The following UMAD1 variants were observed in gnomAD, a reference collection of about 807,000 sequenced individuals.
The protein encoded by UMAD1 is UBAP1-MVB12-associated (UMA)-domain containing protein 1.
In UMAD1, 8 loss-of-function variants were observed where a neutral mutation model predicts 6.1. The observed-to-expected ratio is 1.30, with a 90% confidence interval of 0.76 to 2.35. The LOEUF is 2.35. UMAD1 is among the 30% of genes most tolerant of loss of function. UMAD1 has a pLI of 0.00. For synonymous variants in UMAD1, 56 were observed against 31.4 expected (o/e 1.78, Z -2.61); for missense variants, 130 against 78.4 (o/e 1.66, Z -2.49).
At chr7:7,860,605 A>AAAAAAAAC (rs1784097254) in intron 3 of UMAD1, among the ~76,000 whole-genome samples, 1 of 26,192 alleles carries the variant, frequency 3.8e-5, no homozygotes, top group Non-Finnish European at 7.9e-5. Flanking sequence ...CTAAAAATAC[A>AAAAAAAAC]AAAAAAAAAA....
intron 2 of UMAD1, among the ~76,000 whole-genome samples, chr7:7,710,073 TCTCA>T (rs1396984374): frequency 1.3e-5 from 2 of 152,208 alleles, no homozygotes; most frequent in Non-Finnish European, 2.9e-5. Context: ...AATTTGCCTC[TCTCA>T]CTCAGTATCA....
chr7:7,758,852 C>G (rs2115228535), intron 2 of UMAD1, among the ~76,000 whole-genome samples: 1 of 152,280 alleles, frequency 6.6e-6, no homozygotes, highest in East Asian at 1.9e-4. Flanking sequence ...GACACTCTCT[C>G]TCTCCCCACC....
At chr7:7,826,665 T>G (rs941335871) in intron 3 of UMAD1, among the ~76,000 whole-genome samples, 14 of 152,104 alleles carry the variant, frequency 9.2e-5, no homozygotes, top group African/African-American at 3.4e-4. Context: ...TCTTCAACCA[T>G]AGCAGGAGGG....
chr7:7,773,906 A>G (rs1245231950), intron 2 of UMAD1, among the ~76,000 whole-genome samples: 3 of 152,126 alleles, frequency 2.0e-5, no homozygotes, highest in Non-Finnish European at 4.4e-5. Flanking sequence ...GGACGAGTCT[A>G]TATTAGATTG....
At chr7:7,769,262 G>A (rs1782054751) in intron 2 of UMAD1, among the ~76,000 whole-genome samples, 1 of 152,106 alleles carries the variant, frequency 6.6e-6, no homozygotes, top group African/African-American at 2.4e-5. Flanking sequence ...CTGTCAATTA[G>A]GGAGACTAAG....
chr7:7,762,217 G>A (rs1167257371), intron 2 of UMAD1, among the ~76,000 whole-genome samples: 1 of 152,046 alleles, frequency 6.6e-6, no homozygotes, highest in Non-Finnish European at 1.5e-5. Flanking sequence ...ATTTACATTG[G>A]CTGTGTCATA....
At chr7:7,810,018 CA>C (rs1782992368) in intron 3 of UMAD1, among the ~76,000 whole-genome samples, 1 of 151,754 alleles carries the variant, frequency 6.6e-6, no homozygotes, top group Non-Finnish European at 1.5e-5. Flanking sequence ...ATTGGGGACT[CA>C]AAGTATAGAA....
chr7:7,717,986 A>G (rs1237952841), intron 2 of UMAD1, among the ~76,000 whole-genome samples: 1 of 152,216 alleles, frequency 6.6e-6, no homozygotes, highest in South Asian at 2.1e-4. Flanking sequence ...ATAGTTGTGT[A>G]GCTTTTAGAG....
At chr7:7,856,475 C>T (rs535543584) in intron 3 of UMAD1, among the ~76,000 whole-genome samples, 9 of 152,252 alleles carry the variant, frequency 5.9e-5, no homozygotes, top group African/African-American at 1.7e-4. Context: ...TGGGGAAAAC[C>T]ACCCCAATGA....
chr7:7,773,472 CTT>C (rs567187811), intron 2 of UMAD1, among the ~76,000 whole-genome samples: 8 of 152,108 alleles, frequency 5.3e-5, no homozygotes, highest in Non-Finnish European at 8.8e-5. Context: ...ATGCAGCAGA[CTT>C]TGAAATAAGA....
At chr7:7,710,811 G>A (rs1032306222) in intron 2 of UMAD1, among the ~76,000 whole-genome samples, 1 of 152,108 alleles carries the variant, frequency 6.6e-6, no homozygotes, top group African/African-American at 2.4e-5. Flanking sequence ...ACAGGTGAAT[G>A]GTTAAATCTA....
intron 3 of UMAD1, among the ~76,000 whole-genome samples, chr7:7,847,555 C>T (rs918571058): frequency 4.6e-5 from 7 of 151,942 alleles, no homozygotes; most frequent in African/African-American, 1.5e-4. Flanking sequence ...GTCTTTTTCC[C>T]TCTTCATCCC....
intron 2 of UMAD1, chr7:7,772,596 G>T (rs1290660026): frequency 1.3e-5 from 2 of 152,134 alleles, no homozygotes; most frequent in African/African-American, 2.4e-5. Context: ...TGAAAAAATT[G>T]GCTTTGAAAA....
At chr7:7,862,769 C>T (rs539856518) in intron 3 of UMAD1, among the ~76,000 whole-genome samples, 1 of 152,238 alleles carries the variant, frequency 6.6e-6, no homozygotes, top group Admixed American at 6.5e-5. Context: ...ACTTTCCAAT[C>T]CAGATGACAC....
intron 3 of UMAD1, among the ~76,000 whole-genome samples, chr7:7,862,308 A>C (rs1440419919): frequency 6.6e-6 from 1 of 152,154 alleles, no homozygotes. Flanking sequence ...TGATTGAAGT[A>C]CTTTATGTTT....
chr7:7,742,381 C>T, intron 2 of UMAD1: 1 of 588,512 alleles, frequency 1.7e-6, no homozygotes, highest in Non-Finnish European at 3.3e-6. Flanking sequence ...ATCTGGGCTG[C>T]CTCCGGAGTC....
chr7:7,782,144 C>T (rs1398489937), intron 2 of UMAD1, among the ~76,000 whole-genome samples: 1 of 151,888 alleles, frequency 6.6e-6, no homozygotes, highest in South Asian at 2.1e-4. Flanking sequence ...TTTTTATTAT[C>T]TGTTCTCTAT....
At chr7:7,753,913 G>A (rs927209337) in intron 2 of UMAD1, among the ~76,000 whole-genome samples, 1 of 152,130 alleles carries the variant, frequency 6.6e-6, no homozygotes, top group Non-Finnish European at 1.5e-5. Context: ...GCCCGGTGTG[G>A]TGGCTCATTC....
chr7:7,788,359 T>A (rs1782498248), intron 2 of UMAD1, among the ~76,000 whole-genome samples: 1 of 152,160 alleles, frequency 6.6e-6, no homozygotes, highest in African/African-American at 2.4e-5. Flanking sequence ...CTAAGAGTGG[T>A]CCCTTCTCTA....
Sources: gnomAD v4.1 joint callset for allele counts (sites outside exome capture counted in the v4.1 genomes callset) on GRCh38, gnomAD v4.1.1 for gene constraint, MANE v1.5 for transcripts, NCBI Gene and HGNC (gene_info 2026-07-23, HGNC 2026-07-21) for gene names.